GPC5: variants seen among roughly 807,000 people sequenced by gnomAD.
GPC5 encodes the protein glypican-5.
GPC5 carries 47 observed loss-of-function variants against 53.9 expected under a neutral mutation model. The ratio of observed to expected loss-of-function variants is 0.87; its 90% CI spans 0.69 to 1.11. GPC5 has a LOEUF of 1.11. GPC5 is among the 50% of genes most tolerant of loss of function. The pLI is 0.00. For missense variants in GPC5, 748 were observed against 713.1 expected (o/e 1.05, Z -0.56); for synonymous variants, 286 against 263.3 (o/e 1.09, Z -0.84).
intron 7 of GPC5, among the ~76,000 whole-genome samples, chr13:92,317,791 G>T (rs73629662): frequency 0.027 from 4,099 of 152,084 alleles, 168 homozygotes; most frequent in African/African-American, 0.093. Flanking sequence ...ATGAGCCACC[G>T]CACCCGGCCC....
intron 5 of GPC5, among the ~76,000 whole-genome samples, chr13:91,880,253 G>A (rs1230841739): frequency 2.0e-5 from 3 of 151,754 alleles, no homozygotes; most frequent in South Asian, 4.2e-4. Flanking sequence ...CTAAGATAGT[G>A]TTTTTTGTCT....
At chr13:92,042,949 A>T (rs1465174226) in intron 6 of GPC5, among the ~76,000 whole-genome samples, 3 of 152,226 alleles carry the variant, frequency 2.0e-5, no homozygotes, top group Non-Finnish European at 4.4e-5. Context: ...GAAATTCTAG[A>T]GTGGAAAATA....
intron 2 of GPC5, among the ~76,000 whole-genome samples, chr13:91,659,001 A>G (rs937198110): frequency 1.3e-5 from 2 of 152,056 alleles, no homozygotes; most frequent in Non-Finnish European, 2.9e-5. Flanking sequence ...GCATTTTTTT[A>G]CTATTTGTAA....
At chr13:92,628,254 C>CT (rs1417470031) in intron 7 of GPC5, among the ~76,000 whole-genome samples, 2 of 59,610 alleles carry the variant, frequency 3.4e-5, no homozygotes, top group Non-Finnish European at 7.4e-5. Flanking sequence ...TTTTCTTTTT[C>CT]TTTTTCTTTC....
intron 7 of GPC5, among the ~76,000 whole-genome samples, chr13:92,184,752 T>C (rs760153196): frequency 2.6e-5 from 4 of 152,224 alleles, no homozygotes; most frequent in Admixed American, 6.5e-5. Context: ...TACCATATTA[T>C]ATGAGTGTAT....
chr13:91,799,303 T>C (rs1455718893), intron 5 of GPC5, among the ~76,000 whole-genome samples: 2 of 152,070 alleles, frequency 1.3e-5, no homozygotes, highest in Non-Finnish European at 2.9e-5. Flanking sequence ...GACATAAAGA[T>C]GGGAACAATA....
At chr13:92,290,154 A>G (rs924559878) in intron 7 of GPC5, among the ~76,000 whole-genome samples, 1 of 152,190 alleles carries the variant, frequency 6.6e-6, no homozygotes, top group Non-Finnish European at 1.5e-5. Context: ...CTTAATTTTG[A>G]ATTGCTTTAT....
chr13:91,793,750 C>T (rs2038005031), intron 5 of GPC5, among the ~76,000 whole-genome samples: 1 of 152,212 alleles, frequency 6.6e-6, no homozygotes, highest in East Asian at 1.9e-4. Flanking sequence ...AAGTAGGCAC[C>T]TTCCCCACAG....
chr13:91,556,063 G>A (rs896494261), intron 2 of GPC5, among the ~76,000 whole-genome samples: 2 of 138,182 alleles, frequency 1.4e-5, no homozygotes, highest in African/African-American at 3.0e-5. Context: ...CCCTTTCATA[G>A]CCATACCCCT....
chr13:92,210,760 T>C (rs573952204), intron 7 of GPC5, among the ~76,000 whole-genome samples: 42 of 152,334 alleles, frequency 2.8e-4, no homozygotes, highest in African/African-American at 9.4e-4. Context: ...TGAGTCATGC[T>C]AGAAATAAGC....
intron 2 of GPC5, among the ~76,000 whole-genome samples, chr13:91,480,976 C>T (rs902253405): frequency 6.7e-6 from 1 of 150,352 alleles, no homozygotes; most frequent in Non-Finnish European, 1.5e-5. Flanking sequence ...TTTCCCAAAA[C>T]TTCCAGATAA....
chr13:92,329,985 T>C (rs1594104722), intron 7 of GPC5, among the ~76,000 whole-genome samples: 1 of 147,982 alleles, frequency 6.8e-6, no homozygotes, highest in African/African-American at 2.5e-5. Flanking sequence ...ATTATGACTT[T>C]TAAGTTATAC....
intron 2 of GPC5, among the ~76,000 whole-genome samples, chr13:91,580,355 A>G (rs952272376): frequency 6.6e-6 from 1 of 152,176 alleles, no homozygotes; most frequent in African/African-American, 2.4e-5. Flanking sequence ...TGGCTTTAAA[A>G]TTTTTTGGTG....
intron 7 of GPC5, among the ~76,000 whole-genome samples, chr13:92,503,329 A>G (rs1310085214): frequency 6.6e-6 from 1 of 151,884 alleles, no homozygotes; most frequent in Admixed American, 6.6e-5. Flanking sequence ...AAGGAAAATT[A>G]GAATACATAC....
At chr13:91,743,948 G>A (rs1262642999) in intron 4 of GPC5, among the ~76,000 whole-genome samples, 3 of 152,068 alleles carry the variant, frequency 2.0e-5, no homozygotes, top group East Asian at 3.9e-4. Flanking sequence ...ATTCATTCTG[G>A]TTTGATGACT....
rs557464852 is a variant in GPC5, at chr13:92,528,242, A to T, written c.1562-338040A>T. Among the ~76,000 whole-genome samples, 35 of 152,100 alleles carry T rather than the reference A, an allele frequency of 2.3e-4. No homozygotes were observed. In the South Asian group the frequency reaches 6.2e-3, roughly 27 times the overall value. ...CTGCTACCCGTTATTTCTATTTCTG[A>T]TTGTCTTAATTTTCCAGGAATTATT... On this transcript the variant is annotated intron_variant, in intron 7 of 7. Transcript: ENST00000377067.
intron 6 of GPC5, among the ~76,000 whole-genome samples, chr13:92,075,336 A>G (rs1344673736): frequency 6.6e-6 from 1 of 152,230 alleles, no homozygotes; most frequent in Admixed American, 6.5e-5. Flanking sequence ...GGATAATTAG[A>G]GAGGTACTCT....
chr13:92,375,343 G>C (rs1358800918), intron 7 of GPC5, among the ~76,000 whole-genome samples: 3 of 152,042 alleles, frequency 2.0e-5, no homozygotes, highest in Non-Finnish European at 4.4e-5. Context: ...TGTGTGTCTT[G>C]GTCACTTGAT....
In GPC5 at chr13:92,767,756, C is replaced by T. The variant is rs569098024; in HGVS notation, c.1562-98526C>T. On this transcript the variant is annotated intron_variant, in intron 7 of 7. Transcript: ENST00000377067. ...CACAATGGAATACATGAAGCATATT[C>T]GGCTGTACCTCATAATGAATTTTTA... is the stretch of plus-strand genomic sequence containing the variant. Among the ~76,000 whole-genome samples, 21 of 152,258 alleles carry T rather than the reference C, an allele frequency of 1.4e-4. No homozygotes were observed. In the East Asian group the frequency reaches 1.5e-3, roughly 11 times the overall value.
Sources: allele counts gnomAD v4.1 joint callset (sites outside exome capture counted in the v4.1 genomes callset), GRCh38; gene constraint gnomAD v4.1.1; transcripts MANE v1.5; gene names NCBI Gene and HGNC (gene_info 2026-07-23, HGNC 2026-07-21).